DVL2: variants seen among roughly 807,000 people sequenced by gnomAD.
DVL2 encodes the protein dishevelled segment polarity protein 2, also known as segment polarity protein dishevelled homolog DVL-2.
DVL2 carries 38 observed loss-of-function variants against 69.8 expected under a neutral mutation model. The observed-to-expected ratio is 0.54, with a 90% CI of 0.42 to 0.71. The LOEUF is 0.71. DVL2 is among the 30% of genes least tolerant of loss of function. The pLI, the probability that DVL2 is intolerant of heterozygous loss-of-function variation, is 0.00. For missense variants in DVL2, 931 were observed against 1,008.1 expected (o/e 0.92, Z 1.04); for synonymous variants, 428 against 392.4 (o/e 1.09, Z -1.07).
chr17:7,234,008 C>T, intron 1 of DVL2, 61 bp downstream of exon 1: 2 of 1,570,192 alleles, frequency 1.3e-6, no homozygotes, highest in African/African-American at 2.7e-5. Context: ...GTGTGCCCCT[C>T]CATGTCGCCC....
chr17:7,230,630 G>T, intron 2 of DVL2, 98 bp downstream of exon 2: 1 of 1,366,446 alleles, frequency 7.3e-7, no homozygotes, highest in Non-Finnish European at 1.0e-6. Context: ...AGCCAGGGCT[G>T]CTAACGCGCG....
At chr17:7,232,882 G>A (rs62059166) in intron 1 of DVL2, among the ~76,000 whole-genome samples, 98 of 152,200 alleles carry the variant, frequency 6.4e-4, no homozygotes, top group African/African-American at 2.1e-3. Context: ...GAGGTCAGAA[G>A]TCAGAGACCA....
At position 7,230,220 on chromosome 17, in the gene DVL2, C is replaced by T. The variant is rs1288723940; in HGVS notation, c.410+65G>A. 20 of 1,610,862 alleles carry T rather than the reference C, an allele frequency of 1.2e-5. No individual in the cohort carries two copies. The Admixed American group carries it at 3.2e-4, about 26-fold the overall frequency. On this transcript the variant is annotated intron_variant, in intron 3 of 14. Transcript: ENST00000005340. ...ACAGGGCTCCGGATCCTAGGCGTCCCCTACCAAAGGCCTGGGTTCCCTCCT... is the reference window on the plus strand; with the variant it reads ...ACAGGGCTCCGGATCCTAGGCGTCCTCTACCAAAGGCCTGGGTTCCCTCCT...
rs778747234 is a variant in DVL2 at position 7,226,451 on chromosome 17, C to G, written c.1732G>C (p.Gly578Arg). 3 of 1,546,978 alleles carry G rather than the reference C, an allele frequency of 1.9e-6. No individual in the cohort carries two copies. The highest frequency in any genetic ancestry group is 1.2e-5 in the South Asian group (1 of 80,820). Residue 578 changes from glycine (G) to arginine (R), a missense_variant, in exon 14 of 15, where the codon GGG (glycine) becomes CGG (arginine). Physicochemically the swap from Gly to Arg is moderately radical, Grantham distance 125. Coordinates refer to ENST00000005340, the MANE Select transcript of DVL2 (RefSeq NM_004422.3). ...YHELSSYTYGGGSASSQHSEG... is the reference protein window; with the variant it reads ...YHELSSYTYGRGSASSQHSEG... Reference sequence around the variant, plus strand: ...CTATGCTGGCTGCTGGCACTGCCCCCACCATAGGTGTAAGATGAAAGCTCA... The same window carrying G: ...CTATGCTGGCTGCTGGCACTGCCCCGACCATAGGTGTAAGATGAAAGCTCA...
At chr17:7,226,802 T>C in intron 13 of DVL2, 163 bp from the exon 14 acceptor site, 2 of 660,596 alleles carry the variant, frequency 3.0e-6, no homozygotes, top group Non-Finnish European at 4.9e-6. Flanking sequence ...CATCTACTTC[T>C]GCCATGAGGG....
Position 7,229,370 on chromosome 17 carries a change from C to T in DVL2, c.817+8G>A, listed in dbSNP as rs756895562. ...TCCCCACGCCCTAGCCACAGGCTCTCCCCATACCCATGTTTAGCGTGACTG... is the reference window on the plus strand; with the variant it reads ...TCCCCACGCCCTAGCCACAGGCTCTTCCCATACCCATGTTTAGCGTGACTG... On this transcript the variant is annotated splice_region_variant and intron_variant, in intron 7 of 14. Coordinates refer to ENST00000005340, the MANE Select transcript of DVL2 (RefSeq NM_004422.3). The surrounding 1 kb of genome is among the most constrained non-coding windows in gnomAD (Gnocchi z 4.4). 3.7e-6 allele frequency: 6 copies of T among 1,613,808 alleles called. No individual in the cohort carries two copies. Among genetic ancestry groups the T allele is most frequent in the Middle Eastern group, 1.6e-4 (1 of 6,082 alleles).
At position 7,227,498 on chromosome 17, in the gene DVL2, C is replaced by A; in HGVS notation, c.1269G>T (p.Met423Ile). 2 of 1,614,214 alleles carry A rather than the reference C, an allele frequency of 1.2e-6. No homozygotes were observed. Among genetic ancestry groups the A allele is most frequent in the Non-Finnish European group, 8.5e-7 (1 of 1,180,042 alleles). Residue 423 changes from methionine (M) to isoleucine (I), a missense_variant, in exon 12 of 15, where the codon ATG (methionine) becomes ATT (isoleucine). Around this residue, in one of 3 missense-constraint regions of DVL2, gnomAD observed 555 missense variants for 588.8 expected, o/e 0.94. Coordinates refer to ENST00000005340, the MANE Select transcript of DVL2 (RefSeq NM_004422.3). ...CTGCCATGGCCTTGGTCACCGATGC[C>A]ATGTCCGTATGGACGGAGAGACCCC... is the stretch of plus-strand genomic sequence containing the variant. ...EGRGLSVHTD[M>I]ASVTKAMAAP...
At chr17:7,230,508 A>G (rs2071527049) in intron 2 of DVL2, 78 bp from the exon 3 acceptor site, 1 of 1,576,014 alleles carries the variant, frequency 6.3e-7, no homozygotes, top group African/African-American at 1.4e-5. Context: ...AAAGAATGAG[A>G]AAGGGTCTCA....
Position 7,226,029 on chromosome 17 carries a change from C to T in DVL2, c.2047G>A (p.Val683Ile). The part of the protein sequence containing the change: ...MALPYNPMMV[V>I]MMPPPPPPVP... ...GGAGGTGGAGGTGGGGGCATCATGA[C>T]CACCATCATGGGGTTGTAGGGGAGG... The change falls in exon 15 of 15, where the codon GTC becomes ATC. Residue 683 changes from valine to isoleucine, a missense_variant. By Grantham distance (29) the Val-to-Ile change is conservative (BLOSUM62 3). This residue lies in a region of DVL2 where 314 missense variants were observed against 313.7 expected (regional missense o/e 1.00). Transcript: ENST00000005340. 2 of 1,612,142 alleles carry T rather than the reference C, an allele frequency of 1.2e-6. No individual in the cohort carries two copies. The highest frequency in any genetic ancestry group is 1.7e-6 in the Non-Finnish European group (2 of 1,179,196).
At position 7,226,172 on chromosome 17, in the gene DVL2, C is replaced by T. The variant is rs1288561691; in HGVS notation, c.1904G>A (p.Gly635Glu). Residue 635 changes from glycine (G) to glutamate (E), a missense_variant, in exon 15 of 15, where the codon GGG (glycine) becomes GAG (glutamate). By Grantham distance (98) the Gly-to-Glu change is moderately conservative. Coordinates refer to ENST00000005340, the MANE Select transcript of DVL2 (RefSeq NM_004422.3). The part of the protein sequence containing the change: ...SSRGGSLRRG[G>E]EASGTSDGGP... ...CCCATCGCTAGTCCCACTTGCTTCC[C>T]CACCCCGCCGAAGGCTGCCCCCTCG... 6.2e-7 allele frequency: 1 copy of T among 1,611,712 alleles called. No individual in the cohort carries two copies. The highest frequency in any genetic ancestry group is 8.5e-7 in the Non-Finnish European group (1 of 1,179,198).
chr17:7,228,842 A>G, intron 9 of DVL2, 127 bp downstream of exon 9: 2 of 920,470 alleles, frequency 2.2e-6, no homozygotes, highest in Non-Finnish European at 3.3e-6. Flanking sequence ...TGGGCCTCCC[A>G]AAGTGCTGGG....
Position 7,226,294 on chromosome 17 carries a change from C to G in DVL2, c.1782G>C (p.Ser594=). The G allele has an allele frequency of 1.9e-6, 3 of 1,575,636 alleles. No individual in the cohort carries two copies. The highest frequency in any genetic ancestry group is 2.3e-5 in the South Asian group (2 of 85,736). ...GCCCTGCCCCCCCATCACTCCGTGT[C>G]GACCCACTGCTCCGGCTGCCTGTGG... The part of the protein sequence containing the change: ...QHSEGSRSSG[S]TRSDGGAGRT... Residue 594 remains serine, a synonymous_variant, in exon 15 of 15, where the codon TCG becomes TCC. Transcript: ENST00000005340.
At chr17:7,230,232 C>A in intron 3 of DVL2, 53 bp downstream of exon 3, 2 of 1,612,202 alleles carry the variant, frequency 1.2e-6, no homozygotes, top group Non-Finnish European at 8.5e-7. Context: ...TACCAAAGGC[C>A]TGGGTTCCCT....
rs2071524005 is a variant in DVL2 at position 7,230,333 on chromosome 17, G to A, written c.362C>T (p.Pro121Leu). Residue 121 changes from proline (P) to leucine (L), a missense_variant, in exon 3 of 15, where the codon CCA becomes CTA. Transcript: ENST00000005340. ...CCCAATGCCGCTGGTCCTCTCGGGT[G>A]GCAAAGGAGGTAAAGGTGGGGCTGG... ...APPAPPLPPL[P>L]PERTSGIGDS... 1 of 1,614,152 alleles carries A rather than the reference G, an allele frequency of 6.2e-7. No individual in the cohort carries two copies. The highest frequency in any genetic ancestry group is 1.3e-5 in the African/African-American group (1 of 75,020).
Position 7,229,786 on chromosome 17 carries a change from GGA to G in DVL2, c.656+20_656+21del. The G allele has an allele frequency of 6.2e-7, 1 of 1,604,846 alleles. No homozygotes were observed. The highest frequency in any genetic ancestry group is 8.5e-7 in the Non-Finnish European group (1 of 1,173,880). Reference sequence around the variant, plus strand: ...GACGAGACGGGGCTGGGTGCGCTGGGGAGAGCTGTGCGGAGCCACACCTGCTC... The same window carrying G: ...GACGAGACGGGGCTGGGTGCGCTGGGGAGCTGTGCGGAGCCACACCTGCTC... On this transcript the variant is annotated intron_variant, in intron 5 of 14. Transcript: ENST00000005340. This position sits in a 1 kb window ranked among gnomAD's most constrained non-coding sequence, Gnocchi z 4.4.
chr17:7,228,197 C>T (rs1226383484), intron 9 of DVL2, 153 bp from the exon 10 acceptor site: 2 of 608,162 alleles, frequency 3.3e-6, no homozygotes, highest in Admixed American at 3.1e-5. Flanking sequence ...GAAGGCACCA[C>T]AATGTGGATG....
At chr17:7,232,402 T>G (rs1047058391) in intron 1 of DVL2, among the ~76,000 whole-genome samples, 1 of 152,218 alleles carries the variant, frequency 6.6e-6, no homozygotes, top group Non-Finnish European at 1.5e-5. Context: ...CTCAGCATAA[T>G]GTAGGATTCT....
At position 7,234,282 on chromosome 17, in the gene DVL2, C is replaced by A; in HGVS notation, c.-20G>T. 1 of 1,601,064 alleles carries A rather than the reference C, an allele frequency of 6.2e-7. No individual in the cohort carries two copies. Among genetic ancestry groups the A allele is most frequent in the Non-Finnish European group, 8.5e-7 (1 of 1,173,856 alleles). ...CGCCATGGTCTCGCCCGCGCGCTCC[C>A]GGGCTCCACCGCCCACCCAAAGGGC... On this transcript the variant is annotated 5_prime_UTR_variant, in exon 1 of 15. Coordinates refer to ENST00000005340, the MANE Select transcript of DVL2 (RefSeq NM_004422.3).
chr17:7,230,671 C>T, intron 2 of DVL2, 57 bp downstream of exon 2: 1 of 1,540,394 alleles, frequency 6.5e-7, no homozygotes, highest in Non-Finnish European at 8.9e-7. Flanking sequence ...CAGACTGAGG[C>T]TTGAGGGAGC....
Sources: allele counts gnomAD v4.1 joint callset (sites outside exome capture counted in the v4.1 genomes callset), GRCh38; gene constraint gnomAD v4.1.1; regional missense constraint gnomAD v4.1.1; non-coding constraint Gnocchi (gnomAD v3.1); transcripts MANE v1.5; gene names NCBI Gene and HGNC (gene_info 2026-07-23, HGNC 2026-07-21).